The following LDLRAD4 variants were observed in gnomAD, a reference collection of about 807,000 sequenced individuals.
LDLRAD4 encodes low-density lipoprotein receptor class A domain-containing protein 4.
Under a neutral mutation model 17.0 loss-of-function variants are expected in LDLRAD4, and 5 were observed. That is an observed-to-expected ratio of 0.29 (90% CI 0.15 to 0.62). The LOEUF is 0.62. Ranked by LOEUF, LDLRAD4 falls within the 20% of genes least tolerant of loss-of-function variation. The probability of loss-of-function intolerance (pLI) is 0.84; values close to 1 mark genes in which losing one functional copy is unlikely to be tolerated. For synonymous variants in LDLRAD4, 168 were observed against 171.8 expected (o/e 0.98, Z 0.17); for missense variants, 340 against 424.7 (o/e 0.80, Z 1.75).
Position 13,559,563 on chromosome 18 carries a change from CAT to C in LDLRAD4, c.182-61547_182-61546del, listed in dbSNP as rs1030444689. Among the ~76,000 whole-genome samples the C allele has an allele frequency of 4.6e-4, 70 of 152,138 alleles. 2 individuals are homozygous for C. Among genetic ancestry groups the C allele is most frequent in the Admixed American group, 2.0e-3 (30 of 15,276 alleles). Reference sequence around the variant, plus strand: ...ATGTATGTACATATACACATGTACACATATATATGACAAATAGCTTACATGTA... The same window carrying C: ...ATGTATGTACATATACACATGTACACATATATGACAAATAGCTTACATGTA... On this transcript the variant is annotated intron_variant, in intron 3 of 5. Transcript: ENST00000359446.
chr18:13,310,112 G>A (rs2047144460), intron 1 of LDLRAD4, among the ~76,000 whole-genome samples: 1 of 151,846 alleles, frequency 6.6e-6, no homozygotes, highest in Non-Finnish European at 1.5e-5. Context: ...GGCTGAGGTT[G>A]GGGGATCGGA....
chr18:13,299,105 C>G (rs60418393), intron 1 of LDLRAD4, among the ~76,000 whole-genome samples: 58,809 of 152,108 alleles, frequency 0.39, 12,123 homozygotes, highest in African/African-American at 0.5. Context: ...CTATAAATTC[C>G]TGCCCAGTTA....
At chr18:13,571,749 G>A (rs912983718) in intron 3 of LDLRAD4, among the ~76,000 whole-genome samples, 7 of 152,172 alleles carry the variant, frequency 4.6e-5, no homozygotes, top group African/African-American at 1.2e-4. Flanking sequence ...TCATTCTCCC[G>A]CCTCAGCCTC....
intron 4 of LDLRAD4, among the ~76,000 whole-genome samples, chr18:13,630,671 T>TC (rs1290074702): frequency 6.6e-6 from 1 of 152,250 alleles, no homozygotes; most frequent in African/African-American, 2.4e-5. Flanking sequence ...GTCCTCAGTT[T>TC]CCCCCCATCT....
chr18:13,485,398 C>T (rs1179652970), intron 3 of LDLRAD4, among the ~76,000 whole-genome samples: 1 of 152,212 alleles, frequency 6.6e-6, no homozygotes, highest in Non-Finnish European at 1.5e-5. Context: ...CACGTGCCCT[C>T]GTGGCTCCTG....
At chr18:13,379,766 T>A (rs540385666) in intron 1 of LDLRAD4, among the ~76,000 whole-genome samples, 1 of 152,194 alleles carries the variant, frequency 6.6e-6, no homozygotes, top group Non-Finnish European at 1.5e-5. Flanking sequence ...GAAAATTGTT[T>A]CGTACAAACA....
chr18:13,524,893 C>T (rs1278103210), intron 3 of LDLRAD4, among the ~76,000 whole-genome samples: 1 of 152,194 alleles, frequency 6.6e-6, no homozygotes, highest in Non-Finnish European at 1.5e-5. Context: ...AAAATGCCAA[C>T]TAAGTTGGCG....
At chr18:13,365,577 A>G (rs2083999227) in intron 1 of LDLRAD4, among the ~76,000 whole-genome samples, 1 of 152,188 alleles carries the variant, frequency 6.6e-6, no homozygotes, top group Admixed American at 6.5e-5. Flanking sequence ...TTCTGCCAAC[A>G]CACAGTTCTC....
intron 1 of LDLRAD4, among the ~76,000 whole-genome samples, chr18:13,359,853 C>T (rs1339267618): frequency 6.6e-6 from 1 of 152,240 alleles, no homozygotes; most frequent in African/African-American, 2.4e-5. Flanking sequence ...GGTTCTGATG[C>T]CTCCAACCTG....
chr18:13,300,308 C>T lies in LDLRAD4; in HGVS notation c.-383+22120C>T, dbSNP rs1400853263. On this transcript the variant is annotated intron_variant, in intron 1 of 5. Coordinates refer to ENST00000359446, the Ensembl canonical transcript of LDLRAD4. The surrounding 1 kb of genome is among the most constrained non-coding windows in gnomAD (Gnocchi z 4.2). Reference sequence around the variant, plus strand: ...CTGCCCACCCCGCGCCTGTGCTCTGCCTCAGCCACAAGGCCACCTCACCAG... The same window carrying T: ...CTGCCCACCCCGCGCCTGTGCTCTGTCTCAGCCACAAGGCCACCTCACCAG... Among the ~76,000 whole-genome samples the T allele has an allele frequency of 6.6e-6, 1 of 152,230 alleles. No homozygotes were observed. Among genetic ancestry groups the T allele is most frequent in the Non-Finnish European group, 1.5e-5 (1 of 68,044 alleles).
intron 5 of LDLRAD4, 52 bp downstream of exon 6, chr18:13,643,464 G>GGGGGC: frequency 3.5e-6 from 1 of 288,976 alleles, no homozygotes; most frequent in Non-Finnish European, 6.5e-6. Context: ...GGTGGGTGGG[G>GGGGGC]ATGAAGGGGG....
chr18:13,484,434 G>A (rs1285856176), intron 3 of LDLRAD4, among the ~76,000 whole-genome samples: 2 of 152,168 alleles, frequency 1.3e-5, no homozygotes, highest in Non-Finnish European at 2.9e-5. Context: ...GGGAGACCCT[G>A]TCTCTACAAA....
intron 3 of LDLRAD4, among the ~76,000 whole-genome samples, chr18:13,571,476 C>T (rs1215215763): frequency 6.6e-6 from 1 of 152,274 alleles, no homozygotes; most frequent in African/African-American, 2.4e-5. Context: ...CTCTGGTAAC[C>T]CCATAAGAGG....
intron 4 of LDLRAD4, among the ~76,000 whole-genome samples, chr18:13,639,219 C>T (rs1785123): frequency 0.22 from 33,305 of 152,180 alleles, 5,354 homozygotes; most frequent in East Asian, 0.56. Context: ...TGCGGGAATG[C>T]TGCCATCTGA....
chr18:13,597,084 G>C (rs1158427143), intron 3 of LDLRAD4, among the ~76,000 whole-genome samples: 2 of 152,108 alleles, frequency 1.3e-5, no homozygotes, highest in African/African-American at 4.8e-5. Flanking sequence ...AATTCCTTTT[G>C]TATTTCTTAA....
chr18:13,456,736 T>C (rs899264934), intron 3 of LDLRAD4, among the ~76,000 whole-genome samples: 3 of 152,210 alleles, frequency 2.0e-5, no homozygotes, highest in Non-Finnish European at 4.4e-5. Flanking sequence ...TAAATAGAAA[T>C]GGGAAACTAT....
At chr18:13,565,412 C>A (rs551136211) in intron 3 of LDLRAD4, among the ~76,000 whole-genome samples, 1 of 152,200 alleles carries the variant, frequency 6.6e-6, no homozygotes, top group Non-Finnish European at 1.5e-5. Flanking sequence ...TGCTGGCCTG[C>A]GAGCAGCCCG....
chr18:13,568,060 G>A (rs2094631158), intron 3 of LDLRAD4, among the ~76,000 whole-genome samples: 2 of 151,858 alleles, frequency 1.3e-5, no homozygotes, highest in South Asian at 2.1e-4. Context: ...CGAGGAGGTG[G>A]GGGGTGGGGG....
At chr18:13,263,592 C>T (rs758448221) in intron 1 of LDLRAD4, among the ~76,000 whole-genome samples, 6 of 152,186 alleles carry the variant, frequency 3.9e-5, no homozygotes, top group African/African-American at 9.7e-5. Flanking sequence ...CAGCTCTGCC[C>T]ATTGGCAGCC....
Sources: allele counts gnomAD v4.1 joint callset (sites outside exome capture counted in the v4.1 genomes callset), GRCh38; gene constraint gnomAD v4.1.1; non-coding constraint Gnocchi (gnomAD v3.1); transcripts MANE v1.5; gene names NCBI Gene and HGNC (gene_info 2026-07-23, HGNC 2026-07-21).